Variants in SYT1 observed in about 807,000 individuals in gnomAD.
The protein encoded by SYT1 is synaptotagmin-1.
A neutral mutation model predicts 44.8 loss-of-function variants in SYT1; 8 were observed. That is an observed-to-expected ratio of 0.18 (90% CI 0.10 to 0.32). The LOEUF is 0.32. SYT1 is among the 10% of genes least tolerant of loss of function. The probability of loss-of-function intolerance (pLI) is 1.00; values close to 1 mark genes in which losing one functional copy is unlikely to be tolerated. For missense variants in SYT1, 286 were observed against 509.3 expected (o/e 0.56, Z 4.22); for synonymous variants, 154 against 188.8 (o/e 0.82, Z 1.51).
chr12:78,883,477 C>T (rs1396934583), intron 1 of SYT1, among the ~76,000 whole-genome samples: 2 of 151,666 alleles, frequency 1.3e-5, no homozygotes, highest in African/African-American at 4.8e-5. Context: ...GTCTTCTCTT[C>T]CAAGGTGAAA....
At chr12:79,265,485 C>T (rs1380992652) in intron 4 of SYT1, among the ~76,000 whole-genome samples, 1 of 152,012 alleles carries the variant, frequency 6.6e-6, no homozygotes, top group Non-Finnish European at 1.5e-5. Context: ...ACTATACTAA[C>T]TGATACGTTT....
intron 3 of SYT1, among the ~76,000 whole-genome samples, chr12:79,053,071 G>A (rs112320592): frequency 0.17 from 25,298 of 151,972 alleles, 2,090 homozygotes; most frequent in South Asian, 0.24. Flanking sequence ...TGTTTATTGC[G>A]GCACTATTCA....
intron 8 of SYT1, among the ~76,000 whole-genome samples, chr12:79,344,323 G>A (rs1882510643): frequency 6.6e-6 from 1 of 152,128 alleles, no homozygotes; most frequent in Admixed American, 6.5e-5. Context: ...CTGTGCCCAA[G>A]TGCCTAGAAC....
At chr12:79,078,128 T>G (rs1349381690) in intron 3 of SYT1, among the ~76,000 whole-genome samples, 1 of 152,186 alleles carries the variant, frequency 6.6e-6, no homozygotes, top group African/African-American at 2.4e-5. Context: ...GTTGCCTTTT[T>G]CCCTTTACTC....
At chr12:78,914,111 TTA>T (rs1338652306) in intron 1 of SYT1, among the ~76,000 whole-genome samples, 1 of 151,780 alleles carries the variant, frequency 6.6e-6, no homozygotes, top group Non-Finnish European at 1.5e-5. Flanking sequence ...GTTCAATTAA[TTA>T]TTCTTTTGAT....
At chr12:78,917,152 A>G (rs1453147204) in intron 1 of SYT1, among the ~76,000 whole-genome samples, 1 of 151,978 alleles carries the variant, frequency 6.6e-6, no homozygotes, top group East Asian at 1.9e-4. Context: ...TTGAGTTGAA[A>G]TGTTTTCTTA....
chr12:79,307,621 TG>T (rs1426404496), intron 8 of SYT1, among the ~76,000 whole-genome samples: 2 of 5,356 alleles, frequency 3.7e-4, no homozygotes, highest in African/African-American at 1.4e-3. Flanking sequence ...GGGCTGGGGG[TG>T]GGGGTGGGGG....
At chr12:79,315,948 C>T (rs1371536874) in intron 8 of SYT1, among the ~76,000 whole-genome samples, 1 of 152,216 alleles carries the variant, frequency 6.6e-6, no homozygotes, top group Admixed American at 6.5e-5. Flanking sequence ...AGCTTGTTTT[C>T]ATACTGTAGC....
At chr12:79,043,676 T>G (rs1873768743) in intron 2 of SYT1, among the ~76,000 whole-genome samples, 1 of 152,130 alleles carries the variant, frequency 6.6e-6, no homozygotes. Context: ...ATTATGATGT[T>G]AGCTGGTTCT....
intron 3 of SYT1, among the ~76,000 whole-genome samples, chr12:79,183,284 G>C (rs958935731): frequency 6.6e-6 from 1 of 151,972 alleles, no homozygotes; most frequent in Non-Finnish European, 1.5e-5. Context: ...GGATGTACCA[G>C]CTTTTAGTGA....
intron 9 of SYT1, among the ~76,000 whole-genome samples, chr12:79,422,843 C>G (rs1455131866): frequency 1.3e-5 from 2 of 152,092 alleles, no homozygotes; most frequent in East Asian, 3.9e-4. Context: ...ACATTCTAAT[C>G]TAGGTGCTGG....
intron 3 of SYT1, among the ~76,000 whole-genome samples, chr12:79,057,805 T>A (rs1195498554): frequency 1.3e-5 from 2 of 151,902 alleles, no homozygotes; most frequent in Non-Finnish European, 2.9e-5. Flanking sequence ...CTGCTTACAA[T>A]TAGACACAGA....
chr12:79,335,390 C>CA (rs1465995150), intron 8 of SYT1, among the ~76,000 whole-genome samples: 1 of 137,822 alleles, frequency 7.3e-6, no homozygotes, highest in East Asian at 2.1e-4. Flanking sequence ...TTCTCTGATG[C>CA]TTTTTTTTTT....
chr12:79,322,670 G>A (rs1027683624), intron 8 of SYT1, among the ~76,000 whole-genome samples: 24 of 152,030 alleles, frequency 1.6e-4, no homozygotes, highest in Admixed American at 6.6e-4. Context: ...ATTATGTGGC[G>A]TCTATGGCAG....
At chr12:78,967,385 A>G (rs1465136729) in intron 1 of SYT1, among the ~76,000 whole-genome samples, 6 of 152,204 alleles carry the variant, frequency 3.9e-5, no homozygotes, top group Admixed American at 3.9e-4. Flanking sequence ...GCAAGACATC[A>G]GTTATGAAGC....
intron 1 of SYT1, among the ~76,000 whole-genome samples, chr12:78,931,212 AAAGAAAGAAAGAAAGAAAGAAAGAAAG>A (rs1565723197): frequency 4.0e-4 from 20 of 49,948 alleles, no homozygotes; most frequent in African/African-American, 1.9e-3. Context: ...AGAAAGAAAG[AAAGAAAGAAAGAAAGAAAGAAAGAAAG>A]AAGGAAGGAA....
chr12:79,055,413 T>A (rs1043191276), intron 3 of SYT1, among the ~76,000 whole-genome samples: 2 of 152,054 alleles, frequency 1.3e-5, no homozygotes, highest in African/African-American at 2.4e-5. Flanking sequence ...AAAGAAATCA[T>A]GTAAAGTCCA....
chr12:79,015,150 A>G (rs1223517475), intron 2 of SYT1, among the ~76,000 whole-genome samples: 1 of 152,068 alleles, frequency 6.6e-6, no homozygotes, highest in African/African-American at 2.4e-5. Flanking sequence ...AGCATGGCAC[A>G]TGTATACATA....
intron 3 of SYT1, among the ~76,000 whole-genome samples, chr12:79,126,188 A>C (rs1231636435): frequency 6.6e-6 from 1 of 152,258 alleles, no homozygotes; most frequent in Non-Finnish European, 1.5e-5. Context: ...TAAAATACAT[A>C]GCTGATATCT....
Sources: gnomAD v4.1 joint callset for allele counts (sites outside exome capture counted in the v4.1 genomes callset) on GRCh38, gnomAD v4.1.1 for gene constraint, MANE v1.5 for transcripts, NCBI Gene and HGNC (gene_info 2026-07-23, HGNC 2026-07-21) for gene names.